The following KCNG2 variants were observed in gnomAD, a reference collection of about 807,000 sequenced individuals.
KCNG2 encodes potassium voltage-gated channel modifier subfamily G member 2.
In KCNG2, 7 loss-of-function variants were observed where a neutral mutation model predicts 12.3. The ratio of observed to expected loss-of-function variants is 0.57; its 90% CI spans 0.32 to 1.07. The LOEUF (loss-of-function observed/expected upper bound fraction) is 1.07, where lower values mean the gene tolerates loss of function less well. KCNG2 is among the 50% of genes least tolerant of loss of function. The pLI is 0.04. For missense variants in KCNG2, 703 were observed against 726.0 expected (o/e 0.97, Z 0.36); for synonymous variants, 414 against 351.4 (o/e 1.18, Z -1.99).
intron 3 of KCNG2, among the ~76,000 whole-genome samples, chr18:79,865,710 G>A (rs1471822110): frequency 7.2e-6 from 1 of 139,512 alleles, no homozygotes; most frequent in African/African-American, 2.6e-5. Context: ...GCTGAGGCCT[G>A]GGTGCTGAGA....
At chr18:79,853,152 C>T (rs565652528) in intron 1 of KCNG2, among the ~76,000 whole-genome samples, 12 of 152,352 alleles carry the variant, frequency 7.9e-5, no homozygotes, top group South Asian at 6.2e-4. Flanking sequence ...GTGGGCAAAG[C>T]GGACAGTGGG....
At chr18:79,892,791 T>G (rs1277869070) in intron 3 of KCNG2, among the ~76,000 whole-genome samples, 1 of 152,014 alleles carries the variant, frequency 6.6e-6, no homozygotes, top group South Asian at 2.1e-4. Flanking sequence ...TAGTTGGGTC[T>G]GTGTCTGCTT....
At chr18:79,877,991 C>CGTGT (rs74826405) in intron 3 of KCNG2, among the ~76,000 whole-genome samples, 14,833 of 152,316 alleles carry the variant, frequency 0.097, 916 homozygotes, top group Middle Eastern at 0.15. Flanking sequence ...CGTCCTGAGA[C>CGTGT]TGTTGTCAGA....
intron 3 of KCNG2, among the ~76,000 whole-genome samples, chr18:79,865,330 G>A (rs1422829056): frequency 7.3e-6 from 1 of 136,582 alleles, no homozygotes; most frequent in Admixed American, 7.2e-5. Context: ...GTGCTGAGAG[G>A]TCTGGGTGCT....
intron 1 of KCNG2, among the ~76,000 whole-genome samples, chr18:79,828,583 GTCTGCATGTGGGTGTGTGGATGT>G (rs1352303143): frequency 1.3e-5 from 2 of 152,118 alleles, no homozygotes; most frequent in East Asian, 3.9e-4. Context: ...GTGTGCATGT[GTCTGCATGTGGGTGTGTGGATGT>G]GTGTAACGTG....
At chr18:79,896,920 C>T (rs1260702343) in intron 3 of KCNG2, among the ~76,000 whole-genome samples, 1 of 152,192 alleles carries the variant, frequency 6.6e-6, no homozygotes, top group Non-Finnish European at 1.5e-5. Context: ...TGCCTTATGG[C>T]TTGCAGTGTT....
chr18:79,805,057 T>C (rs1461114771), intron 1 of KCNG2, among the ~76,000 whole-genome samples: 1 of 152,236 alleles, frequency 6.6e-6, no homozygotes, highest in Non-Finnish European at 1.5e-5. Context: ...ACTCTGTTTC[T>C]GTGTCCTCCT....
intron 1 of KCNG2, among the ~76,000 whole-genome samples, chr18:79,816,896 G>C (rs2087532610): frequency 6.6e-6 from 1 of 152,252 alleles, no homozygotes; most frequent in South Asian, 2.1e-4. Flanking sequence ...GCTGTATGGA[G>C]GCGGCAGCAA....
At chr18:79,867,129 A>C (rs1304002722) in intron 3 of KCNG2, among the ~76,000 whole-genome samples, 5 of 141,092 alleles carry the variant, frequency 3.5e-5, no homozygotes, top group Non-Finnish European at 6.3e-5. Flanking sequence ...CTGTGTGCTG[A>C]GAGGTCTGTG....
chr18:79,883,421 C>A (rs1451340518), intron 3 of KCNG2, among the ~76,000 whole-genome samples: 1 of 152,254 alleles, frequency 6.6e-6, no homozygotes, highest in African/African-American at 2.4e-5. Flanking sequence ...TCTTTGGGCT[C>A]ATTTCTGACG....
intron 3 of KCNG2, among the ~76,000 whole-genome samples, chr18:79,872,229 CAAA>C (rs747975244): frequency 3.7e-5 from 3 of 81,580 alleles, no homozygotes; most frequent in African/African-American, 5.1e-5. Context: ...TTTAGTCTGG[CAAA>C]AAAAAAAAAA....
At chr18:79,833,668 A>G (rs1399512130) in intron 1 of KCNG2, among the ~76,000 whole-genome samples, 1 of 152,236 alleles carries the variant, frequency 6.6e-6, no homozygotes, top group Admixed American at 6.5e-5. Context: ...TCCACGGATA[A>G]ACAAGGCTAA....
rs113419870 is a variant in KCNG2, at chr18:79,862,925, C to T, written c.-40-703C>T. ...CCAGTGCTGGTACCGGGAATGCAGG[C>T]TGTTGCTGTCCCCGCAGAGCTGGGG... On this transcript the variant is annotated intron_variant, in intron 2 of 3. Transcript: ENST00000316249. Among the ~76,000 whole-genome samples, 1,302 of 152,304 alleles carry T rather than the reference C, an allele frequency of 8.5e-3. 27 individuals carry two copies. The highest frequency in any genetic ancestry group is 0.03 in the African/African-American group (1,241 of 41,554).
chr18:79,828,643 G>C (rs1351099835), intron 1 of KCNG2, among the ~76,000 whole-genome samples: 1 of 151,996 alleles, frequency 6.6e-6, no homozygotes, highest in Non-Finnish European at 1.5e-5. Context: ...GTGTCTGTGT[G>C]TATGTCTGTG....
intron 3 of KCNG2, among the ~76,000 whole-genome samples, chr18:79,888,435 C>T (rs1980620332): frequency 2.9e-5 from 4 of 136,394 alleles, no homozygotes; most frequent in African/African-American, 1.0e-4. Context: ...CGCGGTGGGG[C>T]CGGGACGGCG....
chr18:79,878,561 T>C (rs1202061965), intron 3 of KCNG2, among the ~76,000 whole-genome samples: 1 of 152,264 alleles, frequency 6.6e-6, no homozygotes, highest in Admixed American at 6.5e-5. Context: ...TCCTCGCAGC[T>C]GTGCTGCATT....
intron 3 of KCNG2, among the ~76,000 whole-genome samples, chr18:79,885,011 G>A (rs531944140): frequency 6.6e-6 from 1 of 152,186 alleles, no homozygotes; most frequent in Non-Finnish European, 1.5e-5. Flanking sequence ...AACTCTCGGG[G>A]TGCTTGCTCA....
chr18:79,895,525 T>C (rs572496843), intron 3 of KCNG2, among the ~76,000 whole-genome samples: 2 of 152,088 alleles, frequency 1.3e-5, no homozygotes, highest in East Asian at 3.9e-4. Context: ...TTGTGTCTGC[T>C]TTTGATTGTT....
intron 3 of KCNG2, among the ~76,000 whole-genome samples, chr18:79,865,352 G>C (rs891942947): frequency 7.0e-6 from 1 of 143,098 alleles, no homozygotes; most frequent in Non-Finnish European, 1.5e-5. Context: ...AGGTCTGGGT[G>C]CTGAGAGGTC....
Sources: gnomAD v4.1 joint callset for allele counts (sites outside exome capture counted in the v4.1 genomes callset) on GRCh38, gnomAD v4.1.1 for gene constraint, MANE v1.5 for transcripts, NCBI Gene and HGNC (gene_info 2026-07-23, HGNC 2026-07-21) for gene names.